PPARG: variants seen among roughly 807,000 people sequenced by gnomAD.
The protein encoded by PPARG is peroxisome proliferator activated receptor gamma.
In PPARG, 17 loss-of-function variants were observed where a neutral mutation model predicts 39.2. The observed-to-expected ratio is 0.43, with a 90% CI of 0.30 to 0.65. The LOEUF (loss-of-function observed/expected upper bound fraction) is 0.65. Ranked by LOEUF, PPARG falls within the 30% of genes least tolerant of loss-of-function variation. The probability of loss-of-function intolerance (pLI) is 0.13; values close to 1 mark genes in which losing one functional copy is unlikely to be tolerated. For synonymous variants in PPARG, 223 were observed against 215.7 expected (o/e 1.03, Z -0.30); for missense variants, 406 against 585.9 (o/e 0.69, Z 3.17).
intron 1 of PPARG, among the ~76,000 whole-genome samples, chr3:12,291,747 A>T (rs1447080247): frequency 6.6e-6 from 1 of 152,198 alleles, no homozygotes; most frequent in African/African-American, 2.4e-5. Context: ...CTCTTCAACA[A>T]TAAGTACACA....
At chr3:12,299,379 G>C (rs1484388995) in intron 1 of PPARG, among the ~76,000 whole-genome samples, 1 of 152,070 alleles carries the variant, frequency 6.6e-6, no homozygotes, top group East Asian at 1.9e-4. Context: ...GTGGACTCAG[G>C]GGGCTCTCTC....
chr3:12,423,989 C>T (rs1175541), intron 7 of PPARG, among the ~76,000 whole-genome samples: 10 of 152,074 alleles, frequency 6.6e-5, no homozygotes, highest in Non-Finnish European at 1.2e-4. Context: ...TTGTTTCTGC[C>T]TAGCTTCTGA....
intron 2 of PPARG, among the ~76,000 whole-genome samples, chr3:12,317,015 C>G (rs1473582636): frequency 6.6e-6 from 1 of 152,144 alleles, no homozygotes; most frequent in Non-Finnish European, 1.5e-5. Context: ...CTGAGGAATT[C>G]AATTATAGAT....
chr3:12,409,114 C>T (rs1398626074), intron 6 of PPARG, among the ~76,000 whole-genome samples: 1 of 152,172 alleles, frequency 6.6e-6, no homozygotes, highest in Non-Finnish European at 1.5e-5. Context: ...CTGTGTCTTG[C>T]CCCTAATAGT....
At chr3:12,431,668 G>A (rs2051665326) in intron 7 of PPARG, among the ~76,000 whole-genome samples, 1 of 152,134 alleles carries the variant, frequency 6.6e-6, no homozygotes, top group Non-Finnish European at 1.5e-5. Context: ...AGCTGGGCAT[G>A]GTGACTCATG....
chr3:12,331,029 A>T (rs140964868), intron 2 of PPARG, among the ~76,000 whole-genome samples: 1 of 152,352 alleles, frequency 6.6e-6, no homozygotes, highest in African/African-American at 2.4e-5. Context: ...CATTAGTAAG[A>T]TGGAAGTGAC....
chr3:12,383,020 C>T (rs2049740484), intron 4 of PPARG, among the ~76,000 whole-genome samples: 1 of 152,078 alleles, frequency 6.6e-6, no homozygotes, highest in African/African-American at 2.4e-5. Context: ...CACTGAATTA[C>T]ATGATCTCTA....
chr3:12,357,997 C>T (rs1342681636), intron 2 of PPARG, among the ~76,000 whole-genome samples: 1 of 152,068 alleles, frequency 6.6e-6, no homozygotes, highest in African/African-American at 2.4e-5. Flanking sequence ...CAAATAAATA[C>T]AAAATTTTAG....
chr3:12,302,661 G>T (rs2046958189), intron 1 of PPARG, among the ~76,000 whole-genome samples: 1 of 152,234 alleles, frequency 6.6e-6, no homozygotes, highest in South Asian at 2.1e-4. Context: ...GAAGTGGAGA[G>T]TGCGTGGATG....
intron 4 of PPARG, among the ~76,000 whole-genome samples, chr3:12,389,044 T>C (rs1484546807): frequency 1.3e-5 from 2 of 152,172 alleles, no homozygotes; most frequent in African/African-American, 4.8e-5. Flanking sequence ...GGCTTTTAGT[T>C]CTTGAAGGAT....
intron 1 of PPARG, among the ~76,000 whole-genome samples, chr3:12,304,989 C>G (rs969748809): frequency 9.9e-5 from 15 of 152,256 alleles, no homozygotes; most frequent in African/African-American, 3.1e-4. Context: ...ATTGGAATGT[C>G]TGAGCCTTTC....
At position 12,433,975 on chromosome 3, in the gene PPARG, A is replaced by C. The variant is rs587780424; in HGVS notation, c.1258A>C (p.Lys420Gln). The part of the protein sequence containing the change: ...NLLQALELQL[K>Q]LNHPESSQLF... ...GCTACAAGCCCTGGAGCTCCAGCTG[A>C]AGCTGAACCACCCTGAGTCCTCACA... The change falls in exon 8 of 8, where the codon AAG becomes CAG. Residue 420 changes from lysine (K) to glutamine (Q), a missense_variant. This residue lies in a region of PPARG where 275 missense variants were observed against 458.0 expected (regional missense o/e 0.60). Transcript: ENST00000651735. 1.9e-6 allele frequency: 3 copies of C among 1,614,236 alleles called. No homozygotes were observed. Among genetic ancestry groups the C allele is most frequent in the Non-Finnish European group, 1.7e-6 (2 of 1,180,030 alleles).
At chr3:12,411,369 A>G (rs2050874051) in intron 6 of PPARG, among the ~76,000 whole-genome samples, 1 of 152,080 alleles carries the variant, frequency 6.6e-6, no homozygotes, top group South Asian at 2.1e-4. Context: ...AAATCTCTAA[A>G]CCCTGCAGGA....
chr3:12,307,797 C>T (rs1365994712), intron 1 of PPARG, among the ~76,000 whole-genome samples: 2 of 151,916 alleles, frequency 1.3e-5, no homozygotes, highest in African/African-American at 4.8e-5. Flanking sequence ...TTTGAAAGAC[C>T]CCGGTAAAGA....
At chr3:12,291,811 A>G (rs1176846216) in intron 1 of PPARG, among the ~76,000 whole-genome samples, 2 of 152,184 alleles carry the variant, frequency 1.3e-5, no homozygotes, top group African/African-American at 2.4e-5. Context: ...TACATTTTCA[A>G]CTGTTTCAAT....
At chr3:12,349,744 A>T (rs2048427610) in intron 2 of PPARG, among the ~76,000 whole-genome samples, 1 of 152,194 alleles carries the variant, frequency 6.6e-6, no homozygotes, top group African/African-American at 2.4e-5. Context: ...GGAAGACGGA[A>T]TGTCAGAATG....
At chr3:12,291,916 T>G (rs1284274792) in intron 1 of PPARG, among the ~76,000 whole-genome samples, 2 of 152,222 alleles carry the variant, frequency 1.3e-5, no homozygotes, top group African/African-American at 2.4e-5. Flanking sequence ...GCTCTTTTGC[T>G]ATGATTTTAA....
In PPARG at chr3:12,367,689, AAAAAAAATAAAAAT is replaced by A. The variant is rs200805226; in HGVS notation, c.-8-11992_-8-11979del. Among the ~76,000 whole-genome samples, 600 of 151,642 alleles carry A rather than the reference AAAAAAAATAAAAAT, an allele frequency of 4.0e-3. 1 individual carries two copies. Among genetic ancestry groups the A allele is most frequent in the Middle Eastern group, 0.01 (3 of 294 alleles). On this transcript the variant is annotated intron_variant, in intron 2 of 7. Coordinates refer to ENST00000651735, the MANE Select transcript of PPARG (RefSeq NM_138711.6). ...CATAATGATACCTTGCCTCTACAAA[AAAAAAAATAAAAAT>A]AAAAAAATAAAAATAAAAAAATTAG...
chr3:12,425,660 G>C (rs1009190664), intron 7 of PPARG, among the ~76,000 whole-genome samples: 2 of 152,142 alleles, frequency 1.3e-5, no homozygotes, highest in Non-Finnish European at 2.9e-5. Flanking sequence ...GCCCCAGTCA[G>C]ATTCCTTCTT....
Sources: allele counts gnomAD v4.1 joint callset (sites outside exome capture counted in the v4.1 genomes callset), GRCh38; gene constraint gnomAD v4.1.1; regional missense constraint gnomAD v4.1.1; transcripts MANE v1.5; gene names NCBI Gene and HGNC (gene_info 2026-07-23, HGNC 2026-07-21).